Variants in ERICH3 observed in about 807,000 individuals in gnomAD.
ERICH3 encodes the protein glutamate-rich protein 3.
ERICH3 carries 126 observed loss-of-function variants against 131.1 expected under a neutral mutation model. That is an observed-to-expected ratio of 0.96 (90% CI 0.83 to 1.11). The LOEUF (loss-of-function observed/expected upper bound fraction) is 1.11. Among genes scored for constraint, ERICH3 ranks in the 50% most tolerant of loss-of-function variants. The pLI is 0.00. For missense variants in ERICH3, 2,050 were observed against 1,810.7 expected (o/e 1.13, Z -2.40); for synonymous variants, 695 against 644.6 (o/e 1.08, Z -1.18).
chr1:74,612,526 T>C, intron 9 of ERICH3, 97 bp downstream of exon 9: 1 of 1,135,488 alleles, frequency 8.8e-7, no homozygotes, highest in Non-Finnish European at 1.2e-6. Context: ...CTATACTGAA[T>C]TTCCTTAATA....
At chr1:74,628,961 A>G (rs1362861855) in intron 7 of ERICH3, among the ~76,000 whole-genome samples, 1 of 152,202 alleles carries the variant, frequency 6.6e-6, no homozygotes, top group South Asian at 2.1e-4. Flanking sequence ...TAAAAAGTCT[A>G]CAAATGTAAA....
chr1:74,578,476 A>G (rs1342270347), intron 12 of ERICH3: 1 of 152,176 alleles, frequency 6.6e-6, no homozygotes, highest in Non-Finnish European at 1.5e-5. Context: ...TGACATTACC[A>G]TTATATCACC....
intron 1 of ERICH3, among the ~76,000 whole-genome samples, chr1:74,668,655 T>C (rs1266785468): frequency 6.6e-6 from 1 of 152,150 alleles, no homozygotes; most frequent in Non-Finnish European, 1.5e-5. Flanking sequence ...ATGAACATGT[T>C]TGTTAAAGGA....
intron 12 of ERICH3, chr1:74,577,200 T>C (rs1362828815): frequency 3.1e-6 from 1 of 324,530 alleles, no homozygotes; most frequent in Non-Finnish European, 5.6e-6. Context: ...AAGCTCTCCT[T>C]AGGGCCTGTC....
chr1:74,577,252 A>AC (rs35623612), intron 12 of ERICH3: 14 of 206,622 alleles, frequency 6.8e-5, no homozygotes, highest in African/African-American at 3.0e-4. Flanking sequence ...AAAGAAAAAA[A>AC]AAAAGTGGCA....
chr1:74,594,213 G>A (rs1647738772), intron 11 of ERICH3, among the ~76,000 whole-genome samples: 1 of 151,882 alleles, frequency 6.6e-6, no homozygotes, highest in African/African-American at 2.4e-5. Context: ...AAATATACAT[G>A]TTATTCAGTT....
At chr1:74,657,392 CCTAT>C (rs1287624561) in intron 1 of ERICH3, among the ~76,000 whole-genome samples, 1 of 152,048 alleles carries the variant, frequency 6.6e-6, no homozygotes, top group East Asian at 1.9e-4. Flanking sequence ...ATTTTATATT[CCTAT>C]ATAAGAAAAC....
In ERICH3 at chr1:74,572,771, G is replaced by T; in HGVS notation, c.2939C>A (p.Pro980Gln). 1 of 1,613,764 alleles carries T rather than the reference G, an allele frequency of 6.2e-7. No individual in the cohort carries two copies. Among genetic ancestry groups the T allele is most frequent in the Non-Finnish European group, 8.5e-7 (1 of 1,179,954 alleles). Residue 980 changes from proline to glutamine, a missense_variant, in exon 14 of 15, where the codon CCA becomes CAA. Physicochemically the swap from Pro to Gln is moderately conservative, Grantham distance 76. Transcript: ENST00000326665. ...SEEAILGGEEPAKERKEVMRT... is the reference protein window; with the variant it reads ...SEEAILGGEEQAKERKEVMRT... The stretch of plus-strand genomic sequence containing the variant: ...CATAACCTCTTTTCTCTCTTTGGCT[G>T]GTTCCTCTCCCCCAAGAATTGCCTC...
At chr1:74,652,648 C>A (rs1646547371) in intron 1 of ERICH3, among the ~76,000 whole-genome samples, 2 of 152,004 alleles carry the variant, frequency 1.3e-5, no homozygotes, top group African/African-American at 4.8e-5. Flanking sequence ...TTACACTCTG[C>A]ATCCAGTGTC....
chr1:74,617,756 G>C (rs1325631745), intron 8 of ERICH3, among the ~76,000 whole-genome samples: 2 of 152,150 alleles, frequency 1.3e-5, no homozygotes, highest in Non-Finnish European at 2.9e-5. Context: ...CCTACACCTA[G>C]TCTGTGATAA....
chr1:74,592,989 A>T (rs966168220), intron 11 of ERICH3, among the ~76,000 whole-genome samples: 2 of 152,136 alleles, frequency 1.3e-5, no homozygotes, highest in African/African-American at 4.8e-5. Context: ...TTGCTTTGTC[A>T]TTAGGAGGGA....
rs1646936985 is a variant in ERICH3 at position 74,571,216 on chromosome 1, T to C, written c.4494A>G (p.Pro1498=). 2 of 1,614,132 alleles carry C rather than the reference T, an allele frequency of 1.2e-6. No individual in the cohort carries two copies. Among genetic ancestry groups the C allele is most frequent in the South Asian group, 1.1e-5 (1 of 91,080 alleles). The change falls in exon 14 of 15, where the codon CCA becomes CCG. Residue 1498 remains proline (P), a synonymous_variant. Transcript: ENST00000326665. ...GGGTTTCAGTGAAATCAGGCTTCACTGGAAGTGTTGCCATCGCCTGTAGAC... is the reference window on the plus strand; with the variant it reads ...GGGTTTCAGTGAAATCAGGCTTCACCGGAAGTGTTGCCATCGCCTGTAGAC... The part of the protein sequence containing the change: ...PESLQAMATL[P]VKPDFTETRE...
intron 5 of ERICH3, among the ~76,000 whole-genome samples, chr1:74,638,280 G>A (rs1166875243): frequency 1.3e-5 from 2 of 152,078 alleles, no homozygotes; most frequent in Non-Finnish European, 2.9e-5. Flanking sequence ...GAAACCGTGA[G>A]AACATAAAAA....
Position 74,571,269 on chromosome 1 carries a change from C to T in ERICH3, c.4441G>A (p.Glu1481Lys), listed in dbSNP as rs529852526. The change falls in exon 14 of 15, where the codon GAG becomes AAG. Residue 1481 changes from glutamate (E) to lysine (K), a missense_variant. By Grantham distance (56) the Glu-to-Lys change is moderately conservative. Transcript: ENST00000326665. ...TCCGGACTCAATTCCCTCTCTCCCT[C>T]CCGTGATAATCCTAATCGGAATTTT... The part of the protein sequence containing the change: ...AEKFRLGLSR[E>K]GERELSPESL... The T allele has an allele frequency of 9.9e-6, 16 of 1,614,138 alleles. No individual in the cohort carries two copies. The South Asian group carries it at 1.3e-4, about 13-fold the overall frequency.
intron 1 of ERICH3, among the ~76,000 whole-genome samples, chr1:74,659,127 A>T (rs1646614574): frequency 6.6e-6 from 1 of 152,178 alleles, no homozygotes; most frequent in African/African-American, 2.4e-5. Context: ...ATGAAGTCTG[A>T]GCCAGTAGAA....
chr1:74,572,341 T>A lies in ERICH3; in HGVS notation c.3369A>T (p.Gly1123=), dbSNP rs1246090280. The part of the protein sequence containing the change: ...EETKAPPNEM[G]SDAENEAPVE... The stretch of plus-strand genomic sequence containing the variant: ...CAGGTGCTTCGTTCTCAGCATCAGA[T>A]CCCATTTCATTTGGGGGAGCTTTTG... The change falls in exon 14 of 15, where the codon GGA becomes GGT. Residue 1123 remains glycine (G), a synonymous_variant. Transcript: ENST00000326665. The A allele has an allele frequency of 6.2e-7, 1 of 1,613,728 alleles. No individual in the cohort carries two copies. Among genetic ancestry groups the A allele is most frequent in the South Asian group, 1.1e-5 (1 of 90,974 alleles).
chr1:74,639,941 G>A (rs1646423522), intron 5 of ERICH3, among the ~76,000 whole-genome samples: 1 of 152,104 alleles, frequency 6.6e-6, no homozygotes, highest in South Asian at 2.1e-4. Context: ...TCTGTAAAAT[G>A]GGACCTATTT....
intron 5 of ERICH3, 135 bp downstream of exon 5, chr1:74,641,196 A>T: frequency 1.0e-6 from 1 of 994,432 alleles, no homozygotes; most frequent in South Asian, 1.6e-5. Flanking sequence ...TTGAACAGAT[A>T]TAAGACTATA....
chr1:74,610,442 CTCT>C (rs1648637059), intron 9 of ERICH3, among the ~76,000 whole-genome samples: 1 of 149,268 alleles, frequency 6.7e-6, no homozygotes, highest in African/African-American at 2.5e-5. Flanking sequence ...AATGTTCCTC[CTCT>C]TCTTAAGGCT....
Sources: gnomAD v4.1 joint callset for allele counts (sites outside exome capture counted in the v4.1 genomes callset) on GRCh38, gnomAD v4.1.1 for gene constraint, MANE v1.5 for transcripts, NCBI Gene and HGNC (gene_info 2026-07-23, HGNC 2026-07-21) for gene names.